Variants in GREB1 observed in about 807,000 individuals in gnomAD.
GREB1 encodes the protein growth regulating estrogen receptor binding 1, also known as protein GREB1.
Under a neutral mutation model 200.7 loss-of-function variants are expected in GREB1, and 106 were observed. That is an observed-to-expected ratio of 0.53 (90% CI 0.45 to 0.62). The LOEUF is 0.62. GREB1 is among the 20% of genes least tolerant of loss of function. GREB1 has a pLI of 0.00. For synonymous variants in GREB1, 1,132 were observed against 1,092.4 expected, an observed-to-expected ratio of 1.04 and a Z score of -0.72; for missense variants, 2,243 against 2,556.8, an observed-to-expected ratio of 0.88 and a Z score of 2.65.
At chr2:11,545,312 T>C (rs1675163592) in intron 1 of GREB1, among the ~76,000 whole-genome samples, 1 of 150,342 alleles carries the variant, frequency 6.7e-6, no homozygotes, top group South Asian at 2.1e-4. Context: ...TTTTGTATTT[T>C]AGCAGAGACG....
intron 1 of GREB1, 141 bp downstream of exon 1, chr2:11,534,395 A>C (rs1674194558): frequency 6.6e-6 from 1 of 152,216 alleles, no homozygotes; most frequent in East Asian, 1.9e-4. Flanking sequence ...AAAACCCACA[A>C]GGTATTCAAA....
intron 4 of GREB1, among the ~76,000 whole-genome samples, chr2:11,567,919 T>A (rs1236528016): frequency 2.0e-5 from 3 of 151,972 alleles, no homozygotes; most frequent in Admixed American, 6.6e-5. Flanking sequence ...AGCGGGGAGG[T>A]GACTTCCACA....
At chr2:11,608,731 C>A (rs1414621272) in intron 17 of GREB1, among the ~76,000 whole-genome samples, 1 of 152,190 alleles carries the variant, frequency 6.6e-6, no homozygotes, top group Admixed American at 6.5e-5. Flanking sequence ...TATTCCCAGC[C>A]CTACATGAAC....
chr2:11,580,648 G>T lies in GREB1; in HGVS notation c.773-56G>T. ...AGGAAAATGATTTCCTCCTTGCCTG[G>T]CTCCCAGGGCATTCTTGTGAACTGA... On this transcript the variant is annotated intron_variant, in intron 6 of 32. Coordinates refer to ENST00000381486, the MANE Select transcript of GREB1 (RefSeq NM_014668.4). The surrounding 1 kb of genome is among the most constrained non-coding windows in gnomAD (Gnocchi z 4.5). The T allele has an allele frequency of 1.3e-6, 2 of 1,539,566 alleles. No individual in the cohort carries two copies. The highest frequency in any genetic ancestry group is 2.5e-5 in the South Asian group (2 of 78,766).
intron 4 of GREB1, 128 bp from the exon 5 acceptor site, chr2:11,576,225 T>G: frequency 1.4e-6 from 1 of 719,320 alleles, no homozygotes. Flanking sequence ...GAGAATCACT[T>G]GAACCTGGGA....
intron 1 of GREB1, among the ~76,000 whole-genome samples, chr2:11,501,448 C>T (rs1291765712): frequency 1.3e-5 from 2 of 152,168 alleles, no homozygotes; most frequent in Non-Finnish European, 2.9e-5. Flanking sequence ...GGCTGGAGTG[C>T]AGTGGTGCGA....
At chr2:11,596,324 G>A (rs1437252633) in intron 13 of GREB1, 85 bp downstream of exon 13, 1 of 1,254,994 alleles carries the variant, frequency 8.0e-7, no homozygotes. Flanking sequence ...GGTGTGCACA[G>A]TGAGAGGGGC....
intron 6 of GREB1, among the ~76,000 whole-genome samples, chr2:11,579,362 CAA>C (rs983144528): frequency 6.6e-5 from 10 of 152,228 alleles, no homozygotes; most frequent in African/African-American, 2.2e-4. Context: ...TGGGGCAACT[CAA>C]AACCTCTGAA....
chr2:11,537,690 C>T (rs535365381), intron 1 of GREB1, among the ~76,000 whole-genome samples: 8 of 145,422 alleles, frequency 5.5e-5, no homozygotes, highest in Admixed American at 6.9e-5. Flanking sequence ...TTATATATTA[C>T]ATAAATATCA....
chr2:11,513,047 C>T (rs1181778881), intron 1 of GREB1, among the ~76,000 whole-genome samples: 3 of 152,180 alleles, frequency 2.0e-5, no homozygotes, highest in Non-Finnish European at 4.4e-5. Flanking sequence ...TGAAACTTCT[C>T]TGTTCTGGAG....
rs530292768 is a variant in GREB1, at chr2:11,633,551, G to A, written c.4991+488G>A. On this transcript the variant is annotated intron_variant, in intron 28 of 32. Transcript: ENST00000381486. The surrounding 1 kb of genome is among the most constrained non-coding windows in gnomAD (Gnocchi z 4.1). ...TGCACTCCAGCCTGGCAGACAGAGC[G>A]AGACTCCGTCTAAAAAAAAAAAAAA... Among the ~76,000 whole-genome samples, 12 of 147,656 alleles carry A rather than the reference G, an allele frequency of 8.1e-5. No individual in the cohort carries two copies. Among genetic ancestry groups the A allele is most frequent in the South Asian group, 4.4e-4 (2 of 4,560 alleles).
In GREB1 at chr2:11,616,725, GTC is replaced by G; in HGVS notation, c.3412+7_3412+8del. ...CCCTCTCCTCCAAGGCTTCCGGTGA[GTC>G]TTCCCACACGGGAAGGACCAGACCA... On this transcript the variant is annotated splice_donor_region_variant and intron_variant, in intron 21 of 32. Transcript: ENST00000381486. 1 of 1,587,458 alleles carries G rather than the reference GTC, an allele frequency of 6.3e-7. No individual in the cohort carries two copies. Among genetic ancestry groups the G allele is most frequent in the East Asian group, 2.2e-5 (1 of 44,770 alleles).
chr2:11,625,325 A>C lies in GREB1; in HGVS notation c.4306+13A>C. The C allele has an allele frequency of 1.2e-6, 2 of 1,613,464 alleles. No individual in the cohort carries two copies. The highest frequency in any genetic ancestry group is 1.7e-6 in the Non-Finnish European group (2 of 1,179,430). On this transcript the variant is annotated intron_variant, in intron 24 of 32. Transcript: ENST00000381486. The stretch of plus-strand genomic sequence containing the variant: ...ATAAAGAGTGAAGGTCAGACTTTGA[A>C]TCTCTCGTTTCACCTTCCAGAGTGC...
At chr2:11,525,095 C>A (rs1290322667) in intron 1 of GREB1, among the ~76,000 whole-genome samples, 2 of 152,144 alleles carry the variant, frequency 1.3e-5, no homozygotes, top group Non-Finnish European at 2.9e-5. Flanking sequence ...CTGGGTTAAG[C>A]CATTGTGGTT....
chr2:11,637,965 T>G, intron 31 of GREB1, 49 bp downstream of exon 31: 118 of 1,460,958 alleles, frequency 8.1e-5, no homozygotes, highest in Non-Finnish European at 9.9e-5. Flanking sequence ...GAGAAATCTC[T>G]AGAACCAATG....
intron 14 of GREB1, 102 bp from the exon 15 acceptor site, chr2:11,598,578 C>A: frequency 2.0e-6 from 2 of 1,010,810 alleles, no homozygotes; most frequent in Non-Finnish European, 3.0e-6. Context: ...CTGAGTCTAG[C>A]TCAGGACCTG....
At chr2:11,545,739 A>AC (rs1224797764) in intron 1 of GREB1, among the ~76,000 whole-genome samples, 4 of 152,208 alleles carry the variant, frequency 2.6e-5, no homozygotes, top group Non-Finnish European at 5.9e-5. Context: ...TAAAATGAGA[A>AC]CCACGTTACC....
intron 4 of GREB1, 123 bp downstream of exon 4, chr2:11,566,779 C>T: frequency 1.2e-6 from 1 of 800,826 alleles, no homozygotes. Context: ...GCGCAGCATG[C>T]AGCCCTGTTT....
intron 2 of GREB1, among the ~76,000 whole-genome samples, chr2:11,560,656 G>A (rs867100622): frequency 1.3e-5 from 2 of 151,524 alleles, no homozygotes; most frequent in African/African-American, 2.4e-5. Context: ...AGCTGAGATC[G>A]CACCATTTTA....
Sources: allele counts gnomAD v4.1 joint callset (sites outside exome capture counted in the v4.1 genomes callset), GRCh38; gene constraint gnomAD v4.1.1; non-coding constraint Gnocchi (gnomAD v3.1); transcripts MANE v1.5; gene names NCBI Gene and HGNC (gene_info 2026-07-23, HGNC 2026-07-21).